TTC27: variants seen among roughly 807,000 people sequenced by gnomAD.
TTC27 encodes the protein tetratricopeptide repeat domain 27, also known as tetratricopeptide repeat protein 27.
In TTC27, 79 loss-of-function variants were observed where a neutral mutation model predicts 115.9. The observed-to-expected ratio is 0.68, with a 90% CI of 0.57 to 0.82. The LOEUF is 0.82. Among genes scored for constraint, TTC27 ranks in the 40% least tolerant of loss-of-function variants. The pLI is 0.00. For synonymous variants in TTC27, 401 were observed against 356.0 expected (o/e 1.13, Z -1.42); for missense variants, 1,054 against 993.1 (o/e 1.06, Z -0.82).
At chr2:32,762,895 C>A (rs540288378) in intron 13 of TTC27, among the ~76,000 whole-genome samples, 97 of 152,282 alleles carry the variant, frequency 6.4e-4, no homozygotes, top group African/African-American at 2.2e-3. Context: ...CCGCCTCGGT[C>A]TCCCAAAGTG....
intron 6 of TTC27, 23 bp downstream of exon 6, chr2:32,664,490 A>T: frequency 1.3e-6 from 2 of 1,582,690 alleles, no homozygotes; most frequent in Non-Finnish European, 1.7e-6. Flanking sequence ...TTTTGTGGAT[A>T]ATTGATTTTA....
intron 16 of TTC27, among the ~76,000 whole-genome samples, chr2:32,799,545 G>A (rs892606007): frequency 1.3e-5 from 2 of 152,124 alleles, no homozygotes; most frequent in African/African-American, 4.8e-5. Context: ...AGAAAAATTA[G>A]GAATAGGGAA....
intron 10 of TTC27, among the ~76,000 whole-genome samples, chr2:32,708,452 C>T (rs1667462011): frequency 6.6e-6 from 1 of 151,382 alleles, no homozygotes; most frequent in Non-Finnish European, 1.5e-5. Flanking sequence ...GCTGGGACTA[C>T]AGGCGTGTGC....
intron 16 of TTC27, among the ~76,000 whole-genome samples, chr2:32,810,114 C>CA (rs60347156): frequency 0.45 from 58,028 of 130,264 alleles, 12,962 homozygotes; most frequent in South Asian, 0.6. Context: ...GACTCTGTCT[C>CA]AAAAAAAAAA....
chr2:32,647,879 A>G (rs1664925733), intron 4 of TTC27, among the ~76,000 whole-genome samples: 1 of 151,924 alleles, frequency 6.6e-6, no homozygotes, highest in African/African-American at 2.4e-5. Context: ...TTGTCATCTC[A>G]TATTTGCAGG....
chr2:32,774,043 C>T (rs1215249816), intron 13 of TTC27, among the ~76,000 whole-genome samples: 1 of 152,116 alleles, frequency 6.6e-6, no homozygotes, highest in Non-Finnish European at 1.5e-5. Context: ...TCTTTGAATT[C>T]ACATCAAAGA....
intron 19 of TTC27, among the ~76,000 whole-genome samples, chr2:32,818,230 A>G (rs1205785595): frequency 1.3e-5 from 2 of 152,158 alleles, no homozygotes; most frequent in Non-Finnish European, 2.9e-5. Flanking sequence ...TACATATTAG[A>G]AAAAAAGCAG....
chr2:32,685,868 A>G (rs1046246889), intron 9 of TTC27, among the ~76,000 whole-genome samples: 1 of 152,202 alleles, frequency 6.6e-6, no homozygotes, highest in Non-Finnish European at 1.5e-5. Context: ...AATAGATAAG[A>G]AGAAGATATG....
chr2:32,806,313 G>A (rs1671126858), intron 16 of TTC27, among the ~76,000 whole-genome samples: 1 of 152,068 alleles, frequency 6.6e-6, no homozygotes, highest in African/African-American at 2.4e-5. Context: ...ACTCATGGGT[G>A]ATTCATTTAA....
intron 16 of TTC27, among the ~76,000 whole-genome samples, chr2:32,807,565 A>G (rs1671172381): frequency 6.6e-6 from 1 of 152,240 alleles, no homozygotes. Context: ...TTTTGGTTAA[A>G]CAAATACACT....
intron 10 of TTC27, among the ~76,000 whole-genome samples, chr2:32,730,889 TG>T (rs1207455088): frequency 6.6e-6 from 1 of 152,160 alleles, no homozygotes; most frequent in African/African-American, 2.4e-5. Context: ...CCCAAAGTGC[TG>T]GGATTACAGG....
At chr2:32,655,043 C>T in intron 5 of TTC27, among the ~76,000 whole-genome samples, 1 of 150,486 alleles carries the variant, frequency 6.6e-6, no homozygotes. Flanking sequence ...GGCTGGAGTG[C>T]AATGGCGTGA....
chr2:32,645,448 G>A (rs1005041114), intron 4 of TTC27, among the ~76,000 whole-genome samples: 2 of 152,154 alleles, frequency 1.3e-5, no homozygotes, highest in Non-Finnish European at 2.9e-5. Context: ...TGTAATAAGT[G>A]TTATAATCAG....
rs1454826952 is a variant in TTC27 at position 32,723,728 on chromosome 2, C to CTCCCTCCGTCCTTCCTTCCTTCCT, written c.1234-10097_1234-10096insCTCCGTCCTTCCTTCCTTCCTTCC. ...CCTCCCTCCCTCCCTCCCTCCCTCC[C>CTCCCTCCGTCCTTCCTTCCTTCCT]TCCTTCCTTCCTTCCTTCCTTCCTT... is the stretch of plus-strand genomic sequence containing the variant. On this transcript the variant is annotated intron_variant, in intron 10 of 19. Transcript: ENST00000317907. Among the ~76,000 whole-genome samples, 227 of 29,532 alleles carry CTCCCTCCGTCCTTCCTTCCTTCCT rather than the reference C, an allele frequency of 7.7e-3. 18 individuals carry two copies. Among genetic ancestry groups the CTCCCTCCGTCCTTCCTTCCTTCCT allele is most frequent in the African/African-American group, 0.028 (161 of 5,840 alleles). 19.4% of individuals were successfully genotyped at this position (29,532 alleles called of 152,430 possible).
chr2:32,804,786 A>G (rs950067966), intron 16 of TTC27, among the ~76,000 whole-genome samples: 1 of 151,994 alleles, frequency 6.6e-6, no homozygotes, highest in African/African-American at 2.4e-5. Context: ...TACATATAAT[A>G]AAAAGATTAG....
intron 4 of TTC27, among the ~76,000 whole-genome samples, chr2:32,644,282 G>T (rs1291064826): frequency 2.0e-5 from 3 of 151,410 alleles, no homozygotes. Context: ...AACATGGAAG[G>T]TGGAGGTTGC....
chr2:32,698,368 G>A (rs1667064470), intron 9 of TTC27, among the ~76,000 whole-genome samples: 1 of 151,754 alleles, frequency 6.6e-6, no homozygotes, highest in Non-Finnish European at 1.5e-5. Context: ...CTGGTCTCAA[G>A]TGATTCTCCC....
At chr2:32,648,465 A>G (rs1229019792) in intron 4 of TTC27, among the ~76,000 whole-genome samples, 6 of 135,284 alleles carry the variant, frequency 4.4e-5, no homozygotes, top group African/African-American at 1.7e-4. Flanking sequence ...TTTAAAACAG[A>G]CTTAGTCTTA....
At chr2:32,641,555 C>G (rs75949879) in intron 4 of TTC27, among the ~76,000 whole-genome samples, 11,243 of 152,344 alleles carry the variant, frequency 0.074, 453 homozygotes, top group East Asian at 0.13. Flanking sequence ...GCCTGGCTGA[C>G]CCCTGCTCCA....
Sources: gnomAD v4.1 joint callset for allele counts (sites outside exome capture counted in the v4.1 genomes callset) on GRCh38, gnomAD v4.1.1 for gene constraint, MANE v1.5 for transcripts, NCBI Gene and HGNC (gene_info 2026-07-23, HGNC 2026-07-21) for gene names.